Variants in POT1 observed in about 807,000 individuals in gnomAD.
POT1 encodes the protein protection of telomeres 1.
Under a neutral mutation model 78.5 loss-of-function variants are expected in POT1, and 47 were observed. The observed-to-expected ratio is 0.60, with a 90% CI of 0.47 to 0.76. POT1 has a LOEUF of 0.76. Among genes scored for constraint, POT1 ranks in the 30% least tolerant of loss-of-function variants. The pLI, the probability that POT1 is intolerant of heterozygous loss-of-function variation, is 0.00. For synonymous variants in POT1, 259 were observed against 260.7 expected (o/e 0.99, Z 0.06); for missense variants, 646 against 749.9 (o/e 0.86, Z 1.62).
At chr7:124,914,379 T>C (rs1796966454) in intron 3 of POT1, among the ~76,000 whole-genome samples, 1 of 152,136 alleles carries the variant, frequency 6.6e-6, no homozygotes, top group South Asian at 2.1e-4. Context: ...CAGCAAAGTT[T>C]TATAATTCTG....
chr7:124,883,511 G>A (rs1019614493), intron 6 of POT1, among the ~76,000 whole-genome samples: 2 of 151,994 alleles, frequency 1.3e-5, no homozygotes, highest in African/African-American at 4.8e-5. Context: ...AAACAAATGA[G>A]TGAACCGAAA....
chr7:124,825,093 C>G (rs1181250685), intron 18 of POT1, among the ~76,000 whole-genome samples, 159 bp downstream of exon 18: 2 of 152,040 alleles, frequency 1.3e-5, no homozygotes, highest in Non-Finnish European at 2.9e-5. Context: ...TTATCCCTGC[C>G]ACTCTCTTCA....
At chr7:124,897,289 A>G (rs1221618620) in intron 4 of POT1, 77 bp from the exon 5 acceptor site, 3 of 490,898 alleles carry the variant, frequency 6.1e-6, no homozygotes, top group African/African-American at 5.9e-5. Context: ...TTGTAGTAAA[A>G]GTACACACTT....
intron 6 of POT1, among the ~76,000 whole-genome samples, chr7:124,873,075 C>G (rs1243754546): frequency 1.3e-5 from 2 of 152,242 alleles, no homozygotes; most frequent in South Asian, 2.1e-4. Flanking sequence ...TAGATATTAA[C>G]CCATTATCAG....
At chr7:124,875,119 C>T (rs1471558148) in intron 6 of POT1, among the ~76,000 whole-genome samples, 2 of 151,964 alleles carry the variant, frequency 1.3e-5, no homozygotes, top group South Asian at 2.1e-4. Context: ...TTTTTCTTTG[C>T]TAGTGGTCTT....
chr7:124,823,916 G>A lies in POT1; in HGVS notation c.*46C>T, dbSNP rs1463143949. On this transcript the variant is annotated 3_prime_UTR_variant, in exon 19 of 19. Transcript: ENST00000357628. Reference sequence around the variant, plus strand: ...GGTCAGGAAAAGAAGCTCAAACAGGGAAGGTGAGTGGCAACATTTTATGTA... The same window carrying A: ...GGTCAGGAAAAGAAGCTCAAACAGGAAAGGTGAGTGGCAACATTTTATGTA... 2 of 1,232,214 alleles carry A rather than the reference G, an allele frequency of 1.6e-6. No homozygotes were observed. The highest frequency in any genetic ancestry group is 2.5e-5 in the South Asian group (2 of 79,844). 76.3% of individuals were successfully genotyped at this position (1,232,214 alleles called of 1,614,324 possible).
intron 8 of POT1, among the ~76,000 whole-genome samples, chr7:124,859,722 T>TTA (rs1016362603): frequency 4.3e-5 from 6 of 139,438 alleles, no homozygotes; most frequent in African/African-American, 1.6e-4. Context: ...GTTATTTATA[T>TTA]AAAAAAAAAA....
intron 6 of POT1, among the ~76,000 whole-genome samples, chr7:124,881,575 A>C (rs1446330631): frequency 1.3e-5 from 2 of 152,020 alleles, no homozygotes; most frequent in Non-Finnish European, 2.9e-5. Flanking sequence ...AGGGAACCAC[A>C]CTACTTGTTT....
At chr7:124,916,980 A>AG (rs1268010355) in intron 2 of POT1, among the ~76,000 whole-genome samples, 1 of 152,138 alleles carries the variant, frequency 6.6e-6, no homozygotes, top group Non-Finnish European at 1.5e-5. Flanking sequence ...GCAAAAAAAA[A>AG]CATGTCAATC....
intron 14 of POT1, among the ~76,000 whole-genome samples, chr7:124,838,635 C>T (rs956528883): frequency 2.0e-5 from 3 of 150,890 alleles, no homozygotes; most frequent in Non-Finnish European, 4.4e-5. Context: ...GATGAAGTTT[C>T]GCTCTTGTTA....
intron 14 of POT1, among the ~76,000 whole-genome samples, chr7:124,836,783 T>C (rs1447818813): frequency 1.3e-5 from 2 of 152,200 alleles, no homozygotes; most frequent in African/African-American, 4.8e-5. Context: ...TGAGTTAATA[T>C]TTGTAAAGCA....
intron 13 of POT1, 46 bp downstream of exon 13, chr7:124,842,761 A>T (rs894107372): frequency 3.3e-6 from 5 of 1,506,878 alleles, no homozygotes; most frequent in Non-Finnish European, 4.5e-6. Flanking sequence ...GTACATATAC[A>T]CACAAATAAT....
At chr7:124,833,462 T>C (rs1425488672) in intron 15 of POT1, among the ~76,000 whole-genome samples, 1 of 152,198 alleles carries the variant, frequency 6.6e-6, no homozygotes, top group African/African-American at 2.4e-5. Flanking sequence ...CCAAGGTTTC[T>C]CAAATCAGAA....
At chr7:124,850,622 T>C (rs955353745) in intron 11 of POT1, among the ~76,000 whole-genome samples, 9 of 151,656 alleles carry the variant, frequency 5.9e-5, no homozygotes, top group African/African-American at 7.3e-5. Context: ...GTCCCAGCTA[T>C]TGGGAGGCTG....
rs1349949800 is a variant in POT1 at position 124,823,466 on chromosome 7, T to C, written c.*496A>G. The C allele has an allele frequency of 1.3e-5, 2 of 152,104 alleles. No individual in the cohort carries two copies. Among genetic ancestry groups the C allele is most frequent in the East Asian group, 1.9e-4 (1 of 5,200 alleles). 9.4% of individuals were successfully genotyped at this position (152,104 alleles called of 1,614,324 possible). ...TCATTCAATTAGTTGTAAGTTGTAA[T>C]AGCGGCATATTTTACATGAGACTAT... On this transcript the variant is annotated 3_prime_UTR_variant, in exon 19 of 19. Transcript: ENST00000357628.
chr7:124,870,245 C>G (rs1795834543), intron 7 of POT1, among the ~76,000 whole-genome samples: 1 of 151,874 alleles, frequency 6.6e-6, no homozygotes, highest in Non-Finnish European at 1.5e-5. Context: ...CAAAAAAGCT[C>G]AATTAAATAA....
At chr7:124,832,260 A>C (rs1794783549) in intron 15 of POT1, among the ~76,000 whole-genome samples, 1 of 150,782 alleles carries the variant, frequency 6.6e-6, no homozygotes, top group Admixed American at 6.6e-5. Context: ...TCCAAAAAAA[A>C]AAAAAAAAAA....
intron 6 of POT1, among the ~76,000 whole-genome samples, chr7:124,881,750 T>C (rs1303878331): frequency 6.6e-6 from 1 of 151,976 alleles, no homozygotes; most frequent in Non-Finnish European, 1.5e-5. Flanking sequence ...CAAACGAAGG[T>C]ACAAAGCTAA....
intron 12 of POT1, 57 bp from the exon 13 acceptor site, chr7:124,843,020 T>A: frequency 8.1e-7 from 1 of 1,234,080 alleles, no homozygotes; most frequent in South Asian, 1.6e-5. Flanking sequence ...ATGACATGCA[T>A]CCTCCTGAAC....
Sources: gnomAD v4.1 joint callset for allele counts (sites outside exome capture counted in the v4.1 genomes callset) on GRCh38, gnomAD v4.1.1 for gene constraint, MANE v1.5 for transcripts, NCBI Gene and HGNC (gene_info 2026-07-23, HGNC 2026-07-21) for gene names.